Variants in KATNIP observed in about 807,000 individuals in gnomAD.
The protein encoded by KATNIP is katanin interacting protein, also known as katanin-interacting protein.
KATNIP carries 126 observed loss-of-function variants against 174.0 expected under a neutral mutation model. The observed-to-expected ratio is 0.72, with a 90% confidence interval of 0.63 to 0.84. The LOEUF is 0.84. KATNIP is among the 40% of genes least tolerant of loss of function. The pLI is 0.00. For missense variants in KATNIP, 1,958 were observed against 2,109.7 expected (o/e 0.93, Z 1.41); for synonymous variants, 810 against 835.7 (o/e 0.97, Z 0.53).
Position 27,750,034 on chromosome 16 carries a change from G to C in KATNIP, c.3074G>C (p.Gly1025Ala). 6.2e-7 allele frequency: 1 copy of C among 1,614,134 alleles called. No individual in the cohort carries two copies. Among genetic ancestry groups the C allele is most frequent in the Non-Finnish European group, 8.5e-7 (1 of 1,180,022 alleles). Residue 1025 changes from glycine (G) to alanine (A), a missense_variant, in exon 16 of 28, where the codon GGG (glycine) becomes GCG (alanine). This residue lies in a region of KATNIP where 1,557 missense variants were observed against 1,617.8 expected (regional missense o/e 0.96). Coordinates refer to ENST00000261588, the MANE Select transcript of KATNIP (RefSeq NM_015202.5). Reference protein sequence around the residue: ...PPDINILPAYGKDPRVVTNLI... With the variant: ...PPDINILPAYAKDPRVVTNLI... ...GATATCAATATTTTACCAGCCTATGGGAAAGACCCCCGCGTGGTCACCAAC... is the reference window on the plus strand; with the variant it reads ...GATATCAATATTTTACCAGCCTATGCGAAAGACCCCCGCGTGGTCACCAAC...
intron 3 of KATNIP, among the ~76,000 whole-genome samples, chr16:27,625,420 T>C (rs1413535293): frequency 1.3e-5 from 2 of 152,184 alleles, no homozygotes; most frequent in African/African-American, 2.4e-5. Context: ...GCCACAGGCC[T>C]CCCAGGACCT....
intron 16 of KATNIP, among the ~76,000 whole-genome samples, chr16:27,750,719 A>C (rs1419440860): frequency 2.1e-4 from 25 of 119,838 alleles, no homozygotes; most frequent in Admixed American, 5.3e-4. Flanking sequence ...GGCGTGAGCC[A>C]CCGCGCCCAG....
intron 2 of KATNIP, among the ~76,000 whole-genome samples, chr16:27,613,886 G>A (rs2075967839): frequency 6.6e-6 from 1 of 152,076 alleles, no homozygotes; most frequent in South Asian, 2.1e-4. Context: ...ACCTCCAGAA[G>A]CCAGGAAAGC....
At chr16:27,571,102 G>A (rs915547815) in intron 1 of KATNIP, among the ~76,000 whole-genome samples, 14 of 152,076 alleles carry the variant, frequency 9.2e-5, no homozygotes, top group Admixed American at 5.9e-4. Context: ...GTGCGATCTC[G>A]GCTCACTGCA....
chr16:27,559,007 G>C (rs952524441), intron 1 of KATNIP, among the ~76,000 whole-genome samples: 2 of 152,192 alleles, frequency 1.3e-5, no homozygotes, highest in African/African-American at 2.4e-5. Context: ...CCACTGGGCT[G>C]ATGGAATAAT....
chr16:27,576,227 G>A (rs994502565), intron 2 of KATNIP, among the ~76,000 whole-genome samples: 39 of 152,258 alleles, frequency 2.6e-4, no homozygotes, highest in African/African-American at 8.9e-4. Flanking sequence ...CCTAATTGCT[G>A]CTTTCCCAGC....
chr16:27,626,938 C>T (rs1461790312), intron 3 of KATNIP, among the ~76,000 whole-genome samples: 8 of 150,408 alleles, frequency 5.3e-5, no homozygotes, highest in Non-Finnish European at 8.8e-5. Flanking sequence ...GCACTCCAGC[C>T]TGGGTGGCAG....
At chr16:27,638,647 A>G (rs2076706056) in intron 5 of KATNIP, among the ~76,000 whole-genome samples, 1 of 151,932 alleles carries the variant, frequency 6.6e-6, no homozygotes, top group African/African-American at 2.4e-5. Context: ...GGCCATGCCA[A>G]CCAGGAGGTA....
intron 6 of KATNIP, among the ~76,000 whole-genome samples, chr16:27,652,615 C>A (rs1038032056): frequency 2.6e-5 from 4 of 151,978 alleles, no homozygotes; most frequent in Non-Finnish European, 4.4e-5. Flanking sequence ...GGGTTCGAGA[C>A]CAGCCTGACC....
At chr16:27,729,139 T>C (rs1476894749) in intron 14 of KATNIP, among the ~76,000 whole-genome samples, 1 of 152,210 alleles carries the variant, frequency 6.6e-6, no homozygotes, top group East Asian at 1.9e-4. Context: ...CTTTGGCTCA[T>C]GTAAGAGAAG....
chr16:27,562,452 G>A (rs1217024465), intron 1 of KATNIP, among the ~76,000 whole-genome samples: 2 of 152,186 alleles, frequency 1.3e-5, no homozygotes, highest in East Asian at 1.9e-4. Flanking sequence ...ATGTGGAGAA[G>A]GAACACATCT....
chr16:27,644,309 A>T (rs1435071581), intron 5 of KATNIP: 1 of 152,098 alleles, frequency 6.6e-6, no homozygotes, highest in East Asian at 1.9e-4. Context: ...GGCATGAACC[A>T]CCGCGCCCAG....
In KATNIP at chr16:27,777,106, G is replaced by A. The variant is rs938186877; in HGVS notation, c.4551+77G>A. 11 of 980,214 alleles carry A rather than the reference G, an allele frequency of 1.1e-5. No individual in the cohort carries two copies. Among genetic ancestry groups the A allele is most frequent in the Non-Finnish European group, 1.6e-5 (10 of 612,084 alleles). 60.7% of individuals were successfully genotyped at this position (980,214 alleles called of 1,614,324 possible). ...AGGCCGCCGGCAATTATCATTTGTC[G>A]CAGTTTGATTTACTTCTCTCTGTTG... On this transcript the variant is annotated intron_variant, in intron 25 of 27. Transcript: ENST00000261588. The surrounding 1 kb of genome is among the most constrained non-coding windows in gnomAD (Gnocchi z 4.4).
In KATNIP at chr16:27,663,401, A is replaced by T. The variant is rs2077585128; in HGVS notation, c.541-14328A>T. ...CAAATTTTACCATATAGTACTATGT[A>T]ATACTTTCATTGTCATTTATTTATT... On this transcript the variant is annotated intron_variant, in intron 6 of 27. Transcript: ENST00000261588. Among the ~76,000 whole-genome samples, 3 of 151,590 alleles carry T rather than the reference A, an allele frequency of 2.0e-5. No homozygotes were observed. In the South Asian group the frequency reaches 6.3e-4, roughly 32 times the overall value.
chr16:27,651,716 T>TTTTA (rs772485363), intron 6 of KATNIP, among the ~76,000 whole-genome samples: 4 of 152,106 alleles, frequency 2.6e-5, no homozygotes, highest in Non-Finnish European at 5.9e-5. Context: ...TAGCTGACAT[T>TTTTA]TTTATTTATT....
intron 6 of KATNIP, among the ~76,000 whole-genome samples, chr16:27,662,148 G>T (rs2077548187): frequency 7.3e-6 from 1 of 137,692 alleles, no homozygotes; most frequent in African/African-American, 2.7e-5. Context: ...TGCCCTGGCT[G>T]GTCTTGAACT....
chr16:27,680,738 C>A (rs2078304176), intron 7 of KATNIP, among the ~76,000 whole-genome samples: 1 of 152,186 alleles, frequency 6.6e-6, no homozygotes, highest in Non-Finnish European at 1.5e-5. Context: ...CTCTGCCCCC[C>A]AGGCTGGAGT....
chr16:27,749,973 C>T lies in KATNIP; in HGVS notation c.3013C>T (p.Pro1005Ser), dbSNP rs1283481417. The T allele has an allele frequency of 3.1e-6, 5 of 1,614,168 alleles. No individual in the cohort carries two copies. The South Asian group carries it at 5.5e-5, about 18-fold the overall frequency. The change falls in exon 16 of 28, where the codon CCG becomes TCG. Residue 1005 changes from proline to serine, a missense_variant. By Grantham distance (74) the Pro-to-Ser change is moderately conservative (BLOSUM62 -1). Transcript: ENST00000261588. Reference protein sequence around the residue: ...GIEIFSSKGEPVQISNIKADP... With the variant: ...GIEIFSSKGESVQISNIKADP... The stretch of plus-strand genomic sequence containing the variant: ...AGAAATATTCAGTTCCAAGGGTGAA[C>T]CGGTGCAGATTTCAAACATAAAAGC...
chr16:27,718,538 A>G (rs2080063134), intron 13 of KATNIP: 1 of 152,258 alleles, frequency 6.6e-6, no homozygotes, highest in Non-Finnish European at 1.5e-5. Context: ...TTTGACTTTG[A>G]ACACCACAAT....
Sources: allele counts gnomAD v4.1 joint callset (sites outside exome capture counted in the v4.1 genomes callset), GRCh38; gene constraint gnomAD v4.1.1; regional missense constraint gnomAD v4.1.1; non-coding constraint Gnocchi (gnomAD v3.1); transcripts MANE v1.5; gene names NCBI Gene and HGNC (gene_info 2026-07-23, HGNC 2026-07-21).